The following EDDM13 variants were observed in gnomAD, a reference collection of about 807,000 sequenced individuals.
The protein encoded by EDDM13 is epididymal protein 13.
EDDM13 carries 24 observed loss-of-function variants against 17.8 expected under a neutral mutation model. The ratio of observed to expected loss-of-function variants is 1.35; its 90% CI spans 0.98 to 1.90. EDDM13 has a LOEUF of 1.90. Among genes scored for constraint, EDDM13 ranks in the 40% most tolerant of loss-of-function variants. The pLI is 0.00. For synonymous variants in EDDM13, 31 were observed against 37.5 expected, an observed-to-expected ratio of 0.83 and a Z score of 0.63; for missense variants, 97 against 100.8, an observed-to-expected ratio of 0.96 and a Z score of 0.16.
intron 12 of EDDM13, among the ~76,000 whole-genome samples, chr19:56,300,711 A>AT (rs1159287096): frequency 2.0e-5 from 3 of 151,760 alleles, no homozygotes; most frequent in Non-Finnish European, 4.4e-5. Flanking sequence ...GGGAGAATTC[A>AT]TTTTTTTTCG....
intron 1 of EDDM13, among the ~76,000 whole-genome samples, chr19:56,274,028 G>C (rs2038059088): frequency 6.6e-6 from 1 of 152,166 alleles, no homozygotes; most frequent in Admixed American, 6.5e-5. Flanking sequence ...AGGCACTGAG[G>C]AAACAGCTCA....
intron 6 of EDDM13, among the ~76,000 whole-genome samples, chr19:56,288,151 G>T (rs1256118564): frequency 6.6e-6 from 1 of 152,136 alleles, no homozygotes; most frequent in African/African-American, 2.4e-5. Context: ...TGAAGGCTGA[G>T]GCCCTTAAGC....
At chr19:56,290,487 GC>G (rs2039439845) in intron 8 of EDDM13, among the ~76,000 whole-genome samples, 1 of 152,132 alleles carries the variant, frequency 6.6e-6, no homozygotes, top group African/African-American at 2.4e-5. Context: ...TAAAATTAGG[GC>G]CTAGGACCCT....
intron 13 of EDDM13, among the ~76,000 whole-genome samples, chr19:56,303,352 C>G (rs2147288481): frequency 6.6e-6 from 1 of 152,112 alleles, no homozygotes; most frequent in East Asian, 1.9e-4. Flanking sequence ...GTGGCGCATG[C>G]CTGTAATCCC....
chr19:56,273,941 T>C (rs1434527038), intron 1 of EDDM13, among the ~76,000 whole-genome samples: 1 of 152,064 alleles, frequency 6.6e-6, no homozygotes, highest in East Asian at 1.9e-4. Flanking sequence ...TAGGTGGGAA[T>C]CAGATTAGGG....
intron 3 of EDDM13, among the ~76,000 whole-genome samples, chr19:56,282,081 T>C (rs1469536138): frequency 6.6e-6 from 1 of 152,144 alleles, no homozygotes; most frequent in Non-Finnish European, 1.5e-5. Flanking sequence ...TGTGTATTTA[T>C]TGGTGGGTTT....
At chr19:56,309,434 G>A (rs2040894637) in intron 14 of EDDM13, among the ~76,000 whole-genome samples, 1 of 152,172 alleles carries the variant, frequency 6.6e-6, no homozygotes, top group African/African-American at 2.4e-5. Flanking sequence ...TTTCAAAATG[G>A]TTAAAATGGT....
At chr19:56,298,191 G>A (rs2040003206) in intron 12 of EDDM13, 1 of 152,116 alleles carries the variant, frequency 6.6e-6, no homozygotes, top group Non-Finnish European at 1.5e-5. Context: ...CCAATATTTG[G>A]AAGGAAGAAG....
rs2040273221 is a variant in EDDM13 at position 56,302,089 on chromosome 19, G to C, written c.417G>C (p.Gly139=). ...MTYLFVSYNK[G]DWCYCHYCNL... is the part of the protein sequence containing the mutation. ...ACCTCTTCGTATCCTACAACAAAGG[G>C]GACTGGGTAAGAAGAAGGCAGCACG... The change falls in exon 13 of 15, where the codon GGG becomes GGC. Residue 139 remains glycine (G), a synonymous_variant. Coordinates refer to ENST00000649256, the MANE Select transcript of EDDM13 (RefSeq NM_001354658.2). 1 of 1,231,700 alleles carries C rather than the reference G, an allele frequency of 8.1e-7. No homozygotes were observed. Among genetic ancestry groups the C allele is most frequent in the African/African-American group, 1.6e-5 (1 of 64,350 alleles). The allele number at this position is 1,231,700 out of a possible 1,614,324, so 76.3% of individuals were successfully genotyped here. A position where few individuals can be genotyped will look rare whatever the true frequency, so the allele number is the denominator to read the frequency against.
At chr19:56,295,697 C>T (rs1230257164) in intron 9 of EDDM13, 3 of 152,426 alleles carry the variant, frequency 2.0e-5, no homozygotes, top group African/African-American at 7.2e-5. Context: ...TCCTGCAAGT[C>T]ACTGCACGTC....
intron 13 of EDDM13, among the ~76,000 whole-genome samples, chr19:56,303,586 T>C (rs904521776): frequency 1.3e-5 from 2 of 152,028 alleles, no homozygotes; most frequent in African/African-American, 2.4e-5. Context: ...CCTTCATTCA[T>C]TGATTCAGTC....
chr19:56,277,749 A>T (rs1479625074), intron 2 of EDDM13, among the ~76,000 whole-genome samples: 1 of 152,154 alleles, frequency 6.6e-6, no homozygotes, highest in Admixed American at 6.5e-5. Flanking sequence ...ATAGAGACTC[A>T]GAAGGAAGGA....
At chr19:56,294,640 C>A (rs1183323457) in intron 9 of EDDM13, among the ~76,000 whole-genome samples, 1 of 152,126 alleles carries the variant, frequency 6.6e-6, no homozygotes, top group Non-Finnish European at 1.5e-5. Flanking sequence ...TGGCTGTGTG[C>A]CAATAAAACT....
intron 9 of EDDM13, among the ~76,000 whole-genome samples, chr19:56,291,117 C>T (rs531676580): frequency 6.6e-6 from 1 of 152,156 alleles, no homozygotes; most frequent in Non-Finnish European, 1.5e-5. Flanking sequence ...TGGCATATCA[C>T]GTCCCCGAGC....
intron 5 of EDDM13, 41 bp downstream of exon 5, chr19:56,284,247 C>G (rs2038935257): frequency 1.1e-6 from 1 of 926,104 alleles, no homozygotes; most frequent in East Asian, 1.2e-4. Context: ...AGACTGTGCA[C>G]TTTGGCGGGA....
At chr19:56,305,705 G>A (rs376851015) in intron 14 of EDDM13, among the ~76,000 whole-genome samples, 2 of 152,160 alleles carry the variant, frequency 1.3e-5, no homozygotes, top group East Asian at 1.9e-4. Flanking sequence ...AAAACAATTA[G>A]ATGATTACAG....
At chr19:56,300,917 C>A (rs184937584) in intron 12 of EDDM13, among the ~76,000 whole-genome samples, 1 of 152,044 alleles carries the variant, frequency 6.6e-6, no homozygotes, top group Non-Finnish European at 1.5e-5. Flanking sequence ...CATAAGAAAG[C>A]GACACGGTCG....
At chr19:56,303,510 A>C in intron 13 of EDDM13, among the ~76,000 whole-genome samples, 1 of 149,436 alleles carries the variant, frequency 6.7e-6, no homozygotes, top group Admixed American at 6.6e-5. Context: ...GAAAGGAAGG[A>C]AAGGAGGGAG....
chr19:56,301,991 C>G lies in EDDM13; in HGVS notation c.319C>G (p.Pro107Ala). ...EEVKPFSGTT[P>A]SRKPLPKRKN... Reference sequence around the variant, plus strand: ...AGTTAAACCCTTCTCAGGCACCACCCCATCCAGGAAACCACTCCCCAAGAG... The same window carrying G: ...AGTTAAACCCTTCTCAGGCACCACCGCATCCAGGAAACCACTCCCCAAGAG... The change falls in exon 13 of 15, where the codon CCA becomes GCA. Residue 107 changes from proline to alanine, a missense_variant. Pro to Ala is a conservative substitution (Grantham distance 27). Coordinates refer to ENST00000649256, the MANE Select transcript of EDDM13 (RefSeq NM_001354658.2). The G allele has an allele frequency of 8.1e-7, 1 of 1,232,092 alleles. No individual in the cohort carries two copies. Among genetic ancestry groups the G allele is most frequent in the Non-Finnish European group, 1.0e-6 (1 of 988,272 alleles). 76.3% of individuals were successfully genotyped at this position (1,232,092 alleles called of 1,614,324 possible).
Sources: allele counts gnomAD v4.1 joint callset (sites outside exome capture counted in the v4.1 genomes callset), GRCh38; gene constraint gnomAD v4.1.1; transcripts MANE v1.5; gene names NCBI Gene and HGNC (gene_info 2026-07-23, HGNC 2026-07-21).